SEC63: variants seen among roughly 807,000 people sequenced by gnomAD.
The protein encoded by SEC63 is translocation protein SEC63 homolog.
In SEC63, 56 loss-of-function variants were observed where a neutral mutation model predicts 116.2. The observed-to-expected ratio is 0.48, with a 90% confidence interval of 0.39 to 0.60. The LOEUF is 0.60. Among genes scored for constraint, SEC63 ranks in the 20% least tolerant of loss-of-function variants. SEC63 has a pLI of 0.00. For synonymous variants in SEC63, 273 were observed against 294.6 expected, an observed-to-expected ratio of 0.93 and a Z score of 0.75; for missense variants, 668 against 900.0, an observed-to-expected ratio of 0.74 and a Z score of 3.30.
At chr6:107,922,394 T>C (rs978836759) in intron 3 of SEC63, among the ~76,000 whole-genome samples, 2 of 152,276 alleles carry the variant, frequency 1.3e-5, no homozygotes, top group South Asian at 4.1e-4. Context: ...TAGTCCCAGC[T>C]ACTTGGGAAG....
At chr6:107,930,593 G>A (rs996068666) in intron 1 of SEC63, among the ~76,000 whole-genome samples, 3 of 151,162 alleles carry the variant, frequency 2.0e-5, no homozygotes, top group Non-Finnish European at 2.9e-5. Context: ...GGCAACAAGA[G>A]TGAAACTCTG....
chr6:107,872,504 A>T lies in SEC63; in HGVS notation c.2139+304T>A, dbSNP rs192460748. On this transcript the variant is annotated intron_variant, in intron 20 of 20. Transcript: ENST00000369002. ...ACACTCCAAATAGAATCTGTGGTTT[A>T]AAAAAAAAAAGTGCCTTTCTAAAGA... Among the ~76,000 whole-genome samples, 324 of 117,264 alleles carry T rather than the reference A, an allele frequency of 2.8e-3. 3 individuals carry two copies. The highest frequency in any genetic ancestry group is 9.1e-3 in the African/African-American group (306 of 33,504). 76.9% of individuals were successfully genotyped at this position (117,264 alleles called of 152,430 possible). A position where few individuals can be genotyped will look rare whatever the true frequency, so the allele number is the denominator to read the frequency against.
At chr6:107,917,015 T>A (rs182039946) in intron 4 of SEC63, among the ~76,000 whole-genome samples, 224 of 152,320 alleles carry the variant, frequency 1.5e-3, no homozygotes, top group Non-Finnish European at 2.7e-3. Context: ...TGTAACATGT[T>A]CATAATGGCC....
chr6:107,933,009 G>A (rs115271509), intron 1 of SEC63, among the ~76,000 whole-genome samples: 112 of 152,186 alleles, frequency 7.4e-4, no homozygotes, highest in African/African-American at 2.6e-3. Context: ...ATATGACTAA[G>A]TTAAGGATCT....
At chr6:107,909,090 G>A (rs1787219104) in intron 7 of SEC63, 55 bp from the exon 8 acceptor site, 4 of 1,201,304 alleles carry the variant, frequency 3.3e-6, no homozygotes, top group Non-Finnish European at 3.7e-6. Flanking sequence ...ACGATAGGCT[G>A]GGCGAGATGG....
In SEC63 at chr6:107,904,740, C is replaced by A. The variant is rs370550733; in HGVS notation, c.962-19G>T. On this transcript the variant is annotated intron_variant, in intron 10 of 20. Transcript: ENST00000369002. ...TGCTGATCTGCAAAACAATAAAAAA[C>A]CTGAAACAGATCATTTTAATTTTAC... 1 of 1,550,518 alleles carries A rather than the reference C, an allele frequency of 6.4e-7. No individual in the cohort carries two copies. Among genetic ancestry groups the A allele is most frequent in the Non-Finnish European group, 8.9e-7 (1 of 1,122,206 alleles).
intron 2 of SEC63, among the ~76,000 whole-genome samples, chr6:107,925,765 A>T (rs1354434596): frequency 6.6e-6 from 1 of 152,272 alleles, no homozygotes; most frequent in Non-Finnish European, 1.5e-5. Context: ...ATAATTTGGA[A>T]AGAATAAGTC....
intron 8 of SEC63, among the ~76,000 whole-genome samples, chr6:107,908,638 C>T (rs1787207173): frequency 6.6e-6 from 1 of 152,124 alleles, no homozygotes; most frequent in Non-Finnish European, 1.5e-5. Flanking sequence ...CTAGCAGTGT[C>T]TGGCATACAA....
In SEC63 at chr6:107,920,069, G is replaced by A. The variant is rs954291763; in HGVS notation, c.452+1728C>T. ...AAGAATGTAATTTGTCAAAGGCTCAGATTACTAGCATTTTTTAGCCATACA... is the reference window on the plus strand; with the variant it reads ...AAGAATGTAATTTGTCAAAGGCTCAAATTACTAGCATTTTTTAGCCATACA... On this transcript the variant is annotated intron_variant, in intron 4 of 20. Coordinates refer to ENST00000369002, the MANE Select transcript of SEC63 (RefSeq NM_007214.5). 2.0e-5 allele frequency among the ~76,000 whole-genome samples: 3 copies of A among 152,164 alleles called. No individual in the cohort carries two copies. The South Asian group carries it at 6.2e-4, about 32-fold the overall frequency.
chr6:107,956,329 C>T (rs1369911249), intron 1 of SEC63, among the ~76,000 whole-genome samples: 2 of 152,150 alleles, frequency 1.3e-5, no homozygotes, highest in Non-Finnish European at 2.9e-5. Flanking sequence ...AAATAAACTA[C>T]TGAAAAGTGT....
intron 1 of SEC63, among the ~76,000 whole-genome samples, chr6:107,936,637 G>A (rs1048253922): frequency 3.3e-5 from 5 of 152,274 alleles, no homozygotes; most frequent in South Asian, 2.1e-4. Flanking sequence ...GTCAGCAGCC[G>A]AACTTTATAT....
intron 1 of SEC63, chr6:107,954,569 C>G (rs1336402191): frequency 6.6e-6 from 1 of 150,906 alleles, no homozygotes; most frequent in Non-Finnish European, 1.5e-5. Flanking sequence ...TAAAGTGCAC[C>G]AATAACCAAA....
intron 1 of SEC63, among the ~76,000 whole-genome samples, chr6:107,932,663 A>AT (rs1336689042): frequency 6.6e-6 from 1 of 152,252 alleles, no homozygotes; most frequent in Non-Finnish European, 1.5e-5. Flanking sequence ...GGAATTAAAA[A>AT]TATCACTACG....
At chr6:107,910,688 A>G (rs578166468) in intron 7 of SEC63, among the ~76,000 whole-genome samples, 6 of 150,030 alleles carry the variant, frequency 4.0e-5, no homozygotes, top group Admixed American at 2.6e-4. Context: ...ACACATATAC[A>G]TATGTCATAC....
At chr6:107,931,323 C>G (rs936866959) in intron 1 of SEC63, among the ~76,000 whole-genome samples, 9 of 151,692 alleles carry the variant, frequency 5.9e-5, no homozygotes, top group African/African-American at 2.2e-4. Flanking sequence ...GCCTGGGAAA[C>G]AAGAATGAAA....
At chr6:107,873,508 T>C (rs918407878) in intron 19 of SEC63, among the ~76,000 whole-genome samples, 29 of 152,044 alleles carry the variant, frequency 1.9e-4, no homozygotes, top group Admixed American at 1.6e-3. Flanking sequence ...AATCCAGATT[T>C]TACAGTCAAG....
Position 107,879,841 on chromosome 6 carries a change from C to T in SEC63, c.1935+1308G>A, listed in dbSNP as rs531453086. ...CTGGGCTCAAGTGATCCTCCAACCTCAGCTTCCCAAGTAGCCTAGGACCAC... is the reference window on the plus strand; with the variant it reads ...CTGGGCTCAAGTGATCCTCCAACCTTAGCTTCCCAAGTAGCCTAGGACCAC... On this transcript the variant is annotated intron_variant, in intron 18 of 20. Coordinates refer to ENST00000369002, the MANE Select transcript of SEC63 (RefSeq NM_007214.5). Among the ~76,000 whole-genome samples the T allele has an allele frequency of 2.6e-5, 4 of 151,178 alleles. No individual in the cohort carries two copies. The South Asian group carries it at 8.4e-4, about 32-fold the overall frequency.
chr6:107,930,471 G>A (rs1374768260), intron 1 of SEC63, among the ~76,000 whole-genome samples: 1 of 151,894 alleles, frequency 6.6e-6, no homozygotes, highest in African/African-American at 2.4e-5. Flanking sequence ...GCCAGGCGTG[G>A]TGGTGCATGC....
intron 4 of SEC63, among the ~76,000 whole-genome samples, chr6:107,919,777 G>A (rs547027142): frequency 1.3e-5 from 2 of 151,190 alleles, no homozygotes; most frequent in South Asian, 2.1e-4. Flanking sequence ...AGCCAAGATC[G>A]CGCCACTCCA....
Sources: allele counts gnomAD v4.1 joint callset (sites outside exome capture counted in the v4.1 genomes callset), GRCh38; gene constraint gnomAD v4.1.1; transcripts MANE v1.5; gene names NCBI Gene and HGNC (gene_info 2026-07-23, HGNC 2026-07-21).